Variants in ACOXL observed in about 807,000 individuals in gnomAD.
The protein encoded by ACOXL is acyl-coenzyme A oxidase-like protein.
Under a neutral mutation model 71.9 loss-of-function variants are expected in ACOXL, and 70 were observed. The observed-to-expected ratio is 0.97, with a 90% CI of 0.80 to 1.19. The LOEUF (loss-of-function observed/expected upper bound fraction) is 1.19. Among genes scored for constraint, ACOXL ranks in the 50% most tolerant of loss-of-function variants. The pLI, the probability that ACOXL is intolerant of heterozygous loss-of-function variation, is 0.00. For missense variants in ACOXL, 703 were observed against 736.3 expected, an observed-to-expected ratio of 0.95 and a Z score of 0.52; for synonymous variants, 253 against 281.6, an observed-to-expected ratio of 0.90 and a Z score of 1.02.
At chr2:111,011,663 G>A (rs1199546647) in intron 14 of ACOXL, among the ~76,000 whole-genome samples, 2 of 151,930 alleles carry the variant, frequency 1.3e-5, no homozygotes, top group African/African-American at 2.4e-5. Flanking sequence ...TGGGCAGATC[G>A]CTTGAGCCCA....
chr2:110,820,238 G>A (rs2105506539), intron 9 of ACOXL, among the ~76,000 whole-genome samples: 1 of 152,254 alleles, frequency 6.6e-6, no homozygotes, highest in South Asian at 2.1e-4. Flanking sequence ...GTTTTAGTGG[G>A]AGGAACAACA....
intron 11 of ACOXL, among the ~76,000 whole-genome samples, chr2:110,919,956 T>C: frequency 6.6e-6 from 1 of 152,212 alleles, no homozygotes; most frequent in East Asian, 1.9e-4. Flanking sequence ...ACAGGCTGTT[T>C]ATCCATTTAA....
chr2:110,736,619 CTTTTT>C (rs57507260), intron 1 of ACOXL, among the ~76,000 whole-genome samples: 2 of 113,252 alleles, frequency 1.8e-5, no homozygotes, highest in Non-Finnish European at 3.6e-5. Context: ...TTTGATTACT[CTTTTT>C]TTTTTTTTTT....
chr2:111,117,584 T>A, intron 17 of ACOXL, 32 bp from the exon 18 acceptor site: 1 of 1,551,070 alleles, frequency 6.4e-7, no homozygotes, highest in Middle Eastern at 1.7e-4. Flanking sequence ...TGTGCCAACA[T>A]CTGACCTGTC....
intron 17 of ACOXL, chr2:111,093,616 G>GTGCTGGGATTA: frequency 1.4e-6 from 2 of 1,447,918 alleles, no homozygotes; most frequent in Non-Finnish European, 1.9e-6. Flanking sequence ...TGTAATCCCA[G>GTGCTGGGATTA]CACTATGGGA....
At chr2:110,988,345 G>A (rs2063024400) in intron 13 of ACOXL, among the ~76,000 whole-genome samples, 1 of 152,130 alleles carries the variant, frequency 6.6e-6, no homozygotes, top group African/African-American at 2.4e-5. Context: ...GGAGGCTGAG[G>A]CAGGAGGATC....
chr2:110,841,292 G>C lies in ACOXL; in HGVS notation c.754-79G>C. 4 of 1,044,532 alleles carry C rather than the reference G, an allele frequency of 3.8e-6. No homozygotes were observed. The South Asian group carries it at 4.3e-5, about 11-fold the overall frequency. The allele number at this position is 1,044,532 out of a possible 1,614,324, so 64.7% of individuals were successfully genotyped here. The stretch of plus-strand genomic sequence containing the variant: ...GAAAATCTTTAAAACGTAATTGGCC[G>C]TATCAAGTTAATTTTCTTGTGTGAA... On this transcript the variant is annotated intron_variant, in intron 9 of 17. Coordinates refer to ENST00000439055, the MANE Select transcript of ACOXL (RefSeq NM_001142807.4).
At chr2:110,851,056 C>A (rs1052982853) in intron 10 of ACOXL, among the ~76,000 whole-genome samples, 1 of 152,118 alleles carries the variant, frequency 6.6e-6, no homozygotes, top group Non-Finnish European at 1.5e-5. Context: ...GCATGACATT[C>A]TGGAAAAGAG....
intron 16 of ACOXL, among the ~76,000 whole-genome samples, chr2:111,087,390 C>T (rs995215072): frequency 6.6e-6 from 1 of 152,114 alleles, no homozygotes; most frequent in African/African-American, 2.4e-5. Context: ...TCATATTACT[C>T]AACTTCAAAC....
intron 12 of ACOXL, among the ~76,000 whole-genome samples, chr2:110,961,640 T>G (rs2061702528): frequency 6.6e-6 from 1 of 152,242 alleles, no homozygotes; most frequent in South Asian, 2.1e-4. Flanking sequence ...CCACTGCTTC[T>G]CAACACTGAG....
At chr2:110,900,086 T>TACACACACACACAC (rs60758688) in intron 10 of ACOXL, among the ~76,000 whole-genome samples, 34 of 143,228 alleles carry the variant, frequency 2.4e-4, no homozygotes, top group African/African-American at 4.3e-4. Context: ...CACACACACA[T>TACACACACACACAC]ACACACACAC....
At chr2:111,107,857 G>A (rs1284269238) in intron 17 of ACOXL, among the ~76,000 whole-genome samples, 5 of 152,178 alleles carry the variant, frequency 3.3e-5, no homozygotes, top group Non-Finnish European at 5.9e-5. Flanking sequence ...GTTCGTTTGG[G>A]CCCAGATCAG....
At chr2:110,972,678 A>C (rs947646729) in intron 12 of ACOXL, among the ~76,000 whole-genome samples, 7 of 150,658 alleles carry the variant, frequency 4.6e-5, no homozygotes, top group Non-Finnish European at 8.9e-5. Context: ...CACACACACA[A>C]AATTCAAGGT....
At chr2:111,007,638 A>C (rs1344585029) in intron 14 of ACOXL, among the ~76,000 whole-genome samples, 1 of 152,142 alleles carries the variant, frequency 6.6e-6, no homozygotes, top group Non-Finnish European at 1.5e-5. Flanking sequence ...TTTCCCTGCC[A>C]ACCCTGCAGT....
chr2:110,882,777 T>A (rs1696816778), intron 10 of ACOXL, among the ~76,000 whole-genome samples: 1 of 152,202 alleles, frequency 6.6e-6, no homozygotes, highest in Non-Finnish European at 1.5e-5. Context: ...TGATGACCTT[T>A]TCAGGCCTTT....
chr2:110,758,617 T>C (rs1482303285), intron 1 of ACOXL, among the ~76,000 whole-genome samples: 2 of 152,190 alleles, frequency 1.3e-5, no homozygotes, highest in Non-Finnish European at 2.9e-5. Flanking sequence ...TTTAATTTGT[T>C]CAAAAAACCA....
At chr2:111,103,664 A>G (rs1218248846) in intron 17 of ACOXL, among the ~76,000 whole-genome samples, 2 of 152,150 alleles carry the variant, frequency 1.3e-5, no homozygotes, top group African/African-American at 4.8e-5. Context: ...CTATATACCT[A>G]TTATGCTTCA....
At chr2:110,859,604 C>T (rs1011857113) in intron 10 of ACOXL, among the ~76,000 whole-genome samples, 10 of 152,142 alleles carry the variant, frequency 6.6e-5, no homozygotes, top group South Asian at 4.1e-4. Context: ...TGACGGCAGC[C>T]GGCTGCATGG....
chr2:111,103,493 G>A (rs910724781), intron 17 of ACOXL, among the ~76,000 whole-genome samples: 9 of 152,072 alleles, frequency 5.9e-5, no homozygotes, highest in Admixed American at 3.9e-4. Flanking sequence ...GAACCGCTAG[G>A]CATTGATTCC....
Sources: allele counts gnomAD v4.1 joint callset (sites outside exome capture counted in the v4.1 genomes callset), GRCh38; gene constraint gnomAD v4.1.1; transcripts MANE v1.5; gene names NCBI Gene and HGNC (gene_info 2026-07-23, HGNC 2026-07-21).